ITIH2: variants seen among roughly 807,000 people sequenced by gnomAD.
ITIH2 encodes inter-alpha-trypsin inhibitor heavy chain H2.
Under a neutral mutation model 104.4 loss-of-function variants are expected in ITIH2, and 103 were observed. The observed-to-expected ratio is 0.99, with a 90% CI of 0.84 to 1.16. ITIH2 has a LOEUF of 1.16. ITIH2 is among the 50% of genes most tolerant of loss of function. The probability of loss-of-function intolerance (pLI) is 0.00; values close to 1 mark genes in which losing one functional copy is unlikely to be tolerated. For synonymous variants in ITIH2, 436 were observed against 435.4 expected, an observed-to-expected ratio of 1.00 and a Z score of -0.02; for missense variants, 1,108 against 1,162.4, an observed-to-expected ratio of 0.95 and a Z score of 0.68.
chr10:7,749,346 T>C lies in ITIH2; in HGVS notation c.*12T>C, dbSNP rs746014379. On this transcript the variant is annotated 3_prime_UTR_variant, in exon 21 of 21. Coordinates refer to ENST00000358415, the MANE Select transcript of ITIH2 (RefSeq NM_002216.3). ...TCAAACGGCCTTAAAGGTTTATAGT[T>C]TGGGAAATTATATATATTAATATAC... 6.2e-7 allele frequency: 1 copy of C among 1,608,902 alleles called. No individual in the cohort carries two copies. Among genetic ancestry groups the C allele is most frequent in the Non-Finnish European group, 8.5e-7 (1 of 1,176,054 alleles).
intron 6 of ITIH2, among the ~76,000 whole-genome samples, chr10:7,719,881 C>T (rs554308496): frequency 2.1e-4 from 31 of 145,632 alleles, no homozygotes; most frequent in Non-Finnish European, 3.9e-4. Flanking sequence ...ATAATGTGTA[C>T]ACGGGGACAT....
chr10:7,720,846 G>A lies in ITIH2; in HGVS notation c.631-10G>A. The A allele has an allele frequency of 6.5e-7, 1 of 1,538,134 alleles. No individual in the cohort carries two copies. The highest frequency in any genetic ancestry group is 9.0e-7 in the Non-Finnish European group (1 of 1,113,044). On this transcript the variant is annotated splice_polypyrimidine_tract_variant and intron_variant, in intron 6 of 20. Coordinates refer to ENST00000358415, the MANE Select transcript of ITIH2 (RefSeq NM_002216.3). Reference sequence around the variant, plus strand: ...TTAATGCTTTGGGTAATTTTCTCTTGCATCTCTAGGTAGATGTGTGGGTTA... The same window carrying A: ...TTAATGCTTTGGGTAATTTTCTCTTACATCTCTAGGTAGATGTGTGGGTTA...
At chr10:7,722,590 G>A (rs1039832603) in intron 8 of ITIH2, among the ~76,000 whole-genome samples, 1 of 152,126 alleles carries the variant, frequency 6.6e-6, no homozygotes, top group African/African-American at 2.4e-5. Flanking sequence ...CACATATGGA[G>A]CCCCAAATAT....
chr10:7,708,658 T>TCC (rs1205315278), intron 3 of ITIH2, among the ~76,000 whole-genome samples: 2 of 152,116 alleles, frequency 1.3e-5, no homozygotes, highest in African/African-American at 4.8e-5. Flanking sequence ...CAGTATCCTC[T>TCC]CCCCAGCTGA....
chr10:7,739,132 T>C (rs1375691147), intron 16 of ITIH2, among the ~76,000 whole-genome samples: 1 of 152,140 alleles, frequency 6.6e-6, no homozygotes, highest in East Asian at 1.9e-4. Flanking sequence ...TGCCTTTCCA[T>C]TGACAACCTC....
chr10:7,735,423 G>A (rs1460319338), intron 15 of ITIH2, among the ~76,000 whole-genome samples: 1 of 151,850 alleles, frequency 6.6e-6, no homozygotes, highest in Non-Finnish European at 1.5e-5. Flanking sequence ...TCATTAGCTG[G>A]GTGTGATGGT....
chr10:7,738,856 T>A, intron 16 of ITIH2, 98 bp downstream of exon 16: 1 of 1,244,086 alleles, frequency 8.0e-7, no homozygotes, highest in Admixed American at 2.7e-5. Context: ...CTCACGCCTG[T>A]AATCGCAGCA....
intron 12 of ITIH2, among the ~76,000 whole-genome samples, chr10:7,731,602 G>A (rs995744563): frequency 5.9e-5 from 9 of 152,184 alleles, no homozygotes; most frequent in Admixed American, 2.0e-4. Flanking sequence ...GCGGGTGCCC[G>A]TAATCCCAGC....
At chr10:7,748,054 C>A (rs532001601) in intron 20 of ITIH2, among the ~76,000 whole-genome samples, 1 of 151,430 alleles carries the variant, frequency 6.6e-6, no homozygotes, top group South Asian at 2.1e-4. Context: ...ACTAAAAATA[C>A]AAAAATTAGC....
chr10:7,727,390 G>C (rs1027850481), intron 10 of ITIH2, among the ~76,000 whole-genome samples: 1 of 152,164 alleles, frequency 6.6e-6, no homozygotes, highest in Non-Finnish European at 1.5e-5. Flanking sequence ...AGCATAAAAT[G>C]TTACTATCTT....
At chr10:7,747,802 G>A (rs890822824) in intron 20 of ITIH2, among the ~76,000 whole-genome samples, 1 of 152,196 alleles carries the variant, frequency 6.6e-6, no homozygotes, top group African/African-American at 2.4e-5. Context: ...AGGAGGCTGA[G>A]GTGGGAGGAT....
intron 5 of ITIH2, among the ~76,000 whole-genome samples, chr10:7,714,117 T>A (rs1834823413): frequency 6.6e-6 from 1 of 150,606 alleles, no homozygotes; most frequent in African/African-American, 2.4e-5. Flanking sequence ...AGGGAAAAAA[T>A]CTTCAAAGGG....
intron 13 of ITIH2, 101 bp from the exon 14 acceptor site, chr10:7,732,237 C>G (rs748194340): frequency 1.5e-6 from 2 of 1,355,592 alleles, no homozygotes; most frequent in Non-Finnish European, 2.1e-6. Context: ...CCTTCCATTT[C>G]TTTTTTATTC....
intron 11 of ITIH2, among the ~76,000 whole-genome samples, chr10:7,729,355 G>A (rs1834980430): frequency 6.6e-6 from 1 of 151,958 alleles, no homozygotes; most frequent in South Asian, 2.1e-4. Flanking sequence ...TTTAATCATG[G>A]TTTCTCACTC....
chr10:7,727,248 T>A lies in ITIH2; in HGVS notation c.1153+130T>A, dbSNP rs138761354. The A allele has an allele frequency of 7.2e-4, 513 of 709,810 alleles. 2 individuals are homozygous for A. The African/African-American group carries it at 8.1e-3, about 11-fold the overall frequency. 44.0% of individuals were successfully genotyped at this position (709,810 alleles called of 1,614,324 possible). On this transcript the variant is annotated intron_variant, in intron 10 of 20. Coordinates refer to ENST00000358415, the MANE Select transcript of ITIH2 (RefSeq NM_002216.3). The stretch of plus-strand genomic sequence containing the variant: ...GAGGGCCTATCTTAAATAATACATT[T>A]ATTGGTAATGGATGAATGCTAAGTT...
chr10:7,734,824 T>G (rs1447816579), intron 14 of ITIH2, 98 bp from the exon 15 acceptor site: 2 of 1,030,724 alleles, frequency 1.9e-6, no homozygotes, highest in Non-Finnish European at 2.8e-6. Context: ...ACCCCCAGGT[T>G]GGACCCCAGC....
In ITIH2 at chr10:7,732,495, C is replaced by A. The variant is rs574653491; in HGVS notation, c.1787+18C>A. On this transcript the variant is annotated intron_variant, in intron 14 of 20. Transcript: ENST00000358415. Reference sequence around the variant, plus strand: ...GCTGAACGGTAAGAAGAGAAGAGTACCCACACCACGAGATCTGCAAAACTG... The same window carrying A: ...GCTGAACGGTAAGAAGAGAAGAGTAACCACACCACGAGATCTGCAAAACTG... 4 of 1,603,854 alleles carry A rather than the reference C, an allele frequency of 2.5e-6. No homozygotes were observed. The South Asian group carries it at 4.4e-5, about 18-fold the overall frequency.
At position 7,714,407 on chromosome 10, in the gene ITIH2, C is replaced by T. The variant is rs181887226; in HGVS notation, c.467+1122C>T. Among the ~76,000 whole-genome samples the T allele has an allele frequency of 5.2e-3, 796 of 152,036 alleles. 2 individuals are homozygous for T. The highest frequency in any genetic ancestry group is 0.018 in the African/African-American group (756 of 41,466). Reference sequence around the variant, plus strand: ...CAGGATGGTCTCGATCTCCTGACCTCGTGATCCGCCCGCCTCGGCCTCCCA... The same window carrying T: ...CAGGATGGTCTCGATCTCCTGACCTTGTGATCCGCCCGCCTCGGCCTCCCA... On this transcript the variant is annotated intron_variant, in intron 5 of 20. Coordinates refer to ENST00000358415, the MANE Select transcript of ITIH2 (RefSeq NM_002216.3).
rs1478497694 is a variant in ITIH2 at position 7,738,660 on chromosome 10, C to T, written c.1997C>T (p.Thr666Ile). 1.2e-6 allele frequency: 2 copies of T among 1,613,852 alleles called. No homozygotes were observed. The highest frequency in any genetic ancestry group is 2.7e-5 in the African/African-American group (2 of 74,900). Residue 666 changes from threonine to isoleucine, a missense_variant, in exon 16 of 21, where the codon ACC becomes ATC. Transcript: ENST00000358415. ...YYGSKVVPDS[T>I]PSWANPSPTP... Reference sequence around the variant, plus strand: ...GGCAGCAAAGTGGTTCCAGATTCCACCCCGTCTTGGGCCAATCCTTCACCA... The same window carrying T: ...GGCAGCAAAGTGGTTCCAGATTCCATCCCGTCTTGGGCCAATCCTTCACCA...
Sources: gnomAD v4.1 joint callset for allele counts (sites outside exome capture counted in the v4.1 genomes callset) on GRCh38, gnomAD v4.1.1 for gene constraint, MANE v1.5 for transcripts, NCBI Gene and HGNC (gene_info 2026-07-23, HGNC 2026-07-21) for gene names.